The following PIKFYVE variants were observed in gnomAD, a reference collection of about 807,000 sequenced individuals.
PIKFYVE encodes the protein phosphoinositide kinase, FYVE-type zinc finger containing.
PIKFYVE carries 122 observed loss-of-function variants against 257.9 expected under a neutral mutation model. The observed-to-expected ratio is 0.47, with a 90% CI of 0.41 to 0.55. The LOEUF is 0.55. Among genes scored for constraint, PIKFYVE ranks in the 20% least tolerant of loss-of-function variants. PIKFYVE has a pLI of 0.00. For missense variants in PIKFYVE, 2,160 were observed against 2,536.6 expected, an observed-to-expected ratio of 0.85 and a Z score of 3.19; for synonymous variants, 892 against 868.9, an observed-to-expected ratio of 1.03 and a Z score of -0.47.
chr2:208,352,184 A>T (rs1367954440), intron 38 of PIKFYVE, among the ~76,000 whole-genome samples: 1 of 152,142 alleles, frequency 6.6e-6, no homozygotes, highest in Non-Finnish European at 1.5e-5. Flanking sequence ...TTTTGCTGAG[A>T]CTGAAATTTG....
rs985635593 is a variant in PIKFYVE, at chr2:208,335,382, G to A, written c.4219G>A (p.Val1407Met). Residue 1407 changes from valine (V) to methionine (M), a missense_variant, in exon 25 of 42, where the codon GTG becomes ATG. By Grantham distance (21) the Val-to-Met change is conservative (BLOSUM62 1). Around this residue, in one of 12 missense-constraint regions of PIKFYVE, gnomAD observed 699 missense variants for 855.8 expected, o/e 0.82. Coordinates refer to ENST00000264380, the MANE Select transcript of PIKFYVE (RefSeq NM_015040.4). ...CATTAAGCGTCAGGCCCCATTAAAA[G>A]TGTCCCTTCTTCAGGATCTGAAGGA... Reference protein sequence around the residue: ...IFIKRQAPLKVSLLQDLKDFF... With the variant: ...IFIKRQAPLKMSLLQDLKDFF... 5 of 1,611,736 alleles carry A rather than the reference G, an allele frequency of 3.1e-6. No individual in the cohort carries two copies. The highest frequency in any genetic ancestry group is 1.3e-5 in the African/African-American group (1 of 74,862).
chr2:208,324,612 TGCAG>T (rs1696701876), intron 18 of PIKFYVE, among the ~76,000 whole-genome samples: 2 of 152,322 alleles, frequency 1.3e-5, no homozygotes, highest in Admixed American at 1.3e-4. Context: ...GTTTACCCTG[TGCAG>T]AACAGGGGCC....
chr2:208,347,984 G>T lies in PIKFYVE; in HGVS notation c.5335G>T (p.Gly1779Cys), dbSNP rs1214053402. ...DSAYYQVGQT[G>C]KEGTENQGVE... Reference sequence around the variant, plus strand: ...TGCTTACTACCAGGTTGGGCAGACGGGCAAGGAGGGGACCGAGAATCAAGG... The same window carrying T: ...TGCTTACTACCAGGTTGGGCAGACGTGCAAGGAGGGGACCGAGAATCAAGG... The change falls in exon 35 of 42, where the codon GGC becomes TGC. Residue 1779 changes from glycine to cysteine, a missense_variant. By Grantham distance (159) the Gly-to-Cys change is radical (BLOSUM62 -3). Around this residue, in one of 12 missense-constraint regions of PIKFYVE, gnomAD observed 699 missense variants for 855.8 expected, o/e 0.82. Coordinates refer to ENST00000264380, the MANE Select transcript of PIKFYVE (RefSeq NM_015040.4). The T allele has an allele frequency of 6.2e-7, 1 of 1,614,164 alleles. No homozygotes were observed. The highest frequency in any genetic ancestry group is 2.2e-5 in the East Asian group (1 of 44,884).
intron 32 of PIKFYVE, among the ~76,000 whole-genome samples, chr2:208,343,161 G>C (rs1237333445): frequency 6.6e-6 from 1 of 152,150 alleles, no homozygotes; most frequent in African/African-American, 2.4e-5. Context: ...TGATTCCTAA[G>C]TAAGCTCCTA....
At chr2:208,288,840 CTG>C in intron 7 of PIKFYVE, 22 bp downstream of exon 7, 1 of 1,611,680 alleles carries the variant, frequency 6.2e-7, no homozygotes, top group Non-Finnish European at 8.5e-7. Flanking sequence ...AATGAAAACA[CTG>C]TGCTCTCTGA....
Position 208,347,718 on chromosome 2 carries a change from G to A in PIKFYVE, c.5210-141G>A, listed in dbSNP as rs1011057103. 2.2e-4 allele frequency: 163 copies of A among 753,708 alleles called. No individual in the cohort carries two copies. In the East Asian group the frequency reaches 3.7e-3, roughly 17 times the overall value. The allele number at this position is 753,708 out of a possible 1,614,324, so 46.7% of individuals were successfully genotyped here. On this transcript the variant is annotated intron_variant, in intron 34 of 41. Transcript: ENST00000264380. ...AATAAGTAACAACATGAAGGACAAT[G>A]TGCAAACAAAAGTATTTGCATTACT...
intron 7 of PIKFYVE, among the ~76,000 whole-genome samples, chr2:208,291,103 C>G (rs1692252973): frequency 6.6e-6 from 1 of 152,106 alleles, no homozygotes; most frequent in African/African-American, 2.4e-5. Context: ...CTTTGAGTTT[C>G]TCACCATTAA....
At chr2:208,288,842 G>A in intron 7 of PIKFYVE, 24 bp downstream of exon 7, 1 of 1,611,716 alleles carries the variant, frequency 6.2e-7, no homozygotes, top group Non-Finnish European at 8.5e-7. Context: ...TGAAAACACT[G>A]TGCTCTCTGA....
intron 3 of PIKFYVE, among the ~76,000 whole-genome samples, chr2:208,275,414 A>T (rs1689976762): frequency 6.6e-6 from 1 of 152,222 alleles, no homozygotes; most frequent in Non-Finnish European, 1.5e-5. Context: ...GCTGCACGGA[A>T]GCACAGCCAT....
At chr2:208,349,643 A>T (rs1292050204) in intron 35 of PIKFYVE, among the ~76,000 whole-genome samples, 3 of 151,676 alleles carry the variant, frequency 2.0e-5, no homozygotes, top group Non-Finnish European at 4.4e-5. Context: ...TACATGATAA[A>T]GCATTGCAAA....
At chr2:208,272,862 A>T (rs1326813312) in intron 2 of PIKFYVE, among the ~76,000 whole-genome samples, 1 of 152,182 alleles carries the variant, frequency 6.6e-6, no homozygotes, top group Non-Finnish European at 1.5e-5. Context: ...GAATTTCCGT[A>T]TACTCCCATA....
chr2:208,279,709 AAGTG>A (rs1690564908), intron 5 of PIKFYVE, among the ~76,000 whole-genome samples: 1 of 664 alleles, frequency 1.5e-3, no homozygotes, highest in African/African-American at 1.9e-3. Context: ...AAATGTCTGT[AAGTG>A]TGTGATTTTA....
chr2:208,309,172 GT>G (rs1221719578), intron 12 of PIKFYVE, among the ~76,000 whole-genome samples: 7 of 151,802 alleles, frequency 4.6e-5, no homozygotes, highest in Non-Finnish European at 1.0e-4. Context: ...CACTTTTAAT[GT>G]TTTTTTAGGT....
At chr2:208,266,244 G>A (rs960629847), upstream of PIKFYVE, 4 of 152,220 alleles carry the variant, frequency 2.6e-5, no homozygotes, top group South Asian at 4.1e-4. Context: ...GGAGTCTTGG[G>A]GGGGGGAAGC....
At position 208,273,744 on chromosome 2, in the gene PIKFYVE, G is replaced by A; in HGVS notation, c.322+11G>A. The A allele has an allele frequency of 1.2e-6, 2 of 1,613,924 alleles. No homozygotes were observed. Among genetic ancestry groups the A allele is most frequent in the Non-Finnish European group, 1.7e-6 (2 of 1,179,822 alleles). On this transcript the variant is annotated intron_variant, in intron 3 of 41. Coordinates refer to ENST00000264380, the MANE Select transcript of PIKFYVE (RefSeq NM_015040.4). ...GCTCTTCAGCATTAGGTAAAACAGTGTTCTTATTTCATTCCCTTCTATATG... is the reference window on the plus strand; with the variant it reads ...GCTCTTCAGCATTAGGTAAAACAGTATTCTTATTTCATTCCCTTCTATATG...
At position 208,354,016 on chromosome 2, in the gene PIKFYVE, T is replaced by C; in HGVS notation, c.5963T>C (p.Leu1988Pro). Reference sequence around the variant, plus strand: ...CTAAAGATGGTTCGAGACAACCCTCTATATATTCGTTCTCATTCCAAAGCT... The same window carrying C: ...CTAAAGATGGTTCGAGACAACCCTCCATATATTCGTTCTCATTCCAAAGCT... Reference protein sequence around the residue: ...NLLKMVRDNPLYIRSHSKAVL... With the variant: ...NLLKMVRDNPPYIRSHSKAVL... Residue 1988 changes from leucine (L) to proline (P), a missense_variant, in exon 40 of 42, where the codon CTA becomes CCA. This residue lies in a region of PIKFYVE where 699 missense variants were observed against 855.8 expected (regional missense o/e 0.82). Coordinates refer to ENST00000264380, the MANE Select transcript of PIKFYVE (RefSeq NM_015040.4). The C allele has an allele frequency of 6.2e-7, 1 of 1,614,128 alleles. No individual in the cohort carries two copies. The highest frequency in any genetic ancestry group is 8.5e-7 in the Non-Finnish European group (1 of 1,179,970).
chr2:208,286,940 CT>C (rs1325857917), intron 6 of PIKFYVE, among the ~76,000 whole-genome samples: 4 of 151,890 alleles, frequency 2.6e-5, no homozygotes, highest in African/African-American at 9.7e-5. Flanking sequence ...TCAGTTAACC[CT>C]TAAGGAATTG....
At chr2:208,347,022 A>G (rs1699296220) in intron 34 of PIKFYVE, among the ~76,000 whole-genome samples, 1 of 152,208 alleles carries the variant, frequency 6.6e-6, no homozygotes, top group African/African-American at 2.4e-5. Flanking sequence ...AGTAGGGAGC[A>G]GCATTGTCCC....
intron 8 of PIKFYVE, 152 bp downstream of exon 8, chr2:208,298,931 C>T: frequency 1.0e-6 from 1 of 985,636 alleles, no homozygotes; most frequent in African/African-American, 1.6e-5. Context: ...CAACCTCTGC[C>T]TCTCAGATTC....
Sources: allele counts gnomAD v4.1 joint callset (sites outside exome capture counted in the v4.1 genomes callset), GRCh38; gene constraint gnomAD v4.1.1; regional missense constraint gnomAD v4.1.1; transcripts MANE v1.5; gene names NCBI Gene and HGNC (gene_info 2026-07-23, HGNC 2026-07-21).